Variants in GPM6A observed in about 807,000 individuals in gnomAD.
GPM6A encodes glycoprotein M6A.
Under a neutral mutation model 32.1 loss-of-function variants are expected in GPM6A, and 7 were observed. The ratio of observed to expected loss-of-function variants is 0.22; its 90% CI spans 0.12 to 0.41. The LOEUF (loss-of-function observed/expected upper bound fraction) is 0.41, where lower values mean the gene tolerates loss of function less well. GPM6A is among the 10% of genes least tolerant of loss of function. The probability of loss-of-function intolerance (pLI) is 1.00; values close to 1 mark genes in which losing one functional copy is unlikely to be tolerated. For missense variants in GPM6A, 235 were observed against 347.2 expected, an observed-to-expected ratio of 0.68 and a Z score of 2.57; for synonymous variants, 130 against 123.4, an observed-to-expected ratio of 1.05 and a Z score of -0.35.
intron 1 of GPM6A, among the ~76,000 whole-genome samples, chr4:175,992,027 A>G (rs902258045): frequency 2.0e-5 from 3 of 149,940 alleles, no homozygotes; most frequent in Non-Finnish European, 4.4e-5. Flanking sequence ...TCAAAATGAA[A>G]AAAACAAGAA....
intron 1 of GPM6A, among the ~76,000 whole-genome samples, chr4:175,998,434 G>T (rs1741377309): frequency 6.6e-6 from 1 of 152,196 alleles, no homozygotes; most frequent in South Asian, 2.1e-4. Context: ...GAGATTACAG[G>T]CGTGAGCCAC....
intron 1 of GPM6A, among the ~76,000 whole-genome samples, chr4:175,895,122 C>T (rs556626643): frequency 6.6e-6 from 1 of 152,062 alleles, no homozygotes; most frequent in Non-Finnish European, 1.5e-5. Flanking sequence ...AAAGGCAAAA[C>T]AAAATCTTCT....
rs144534169 is a variant in GPM6A, at chr4:175,650,356, A to G, written c.541+1478T>C. ...GTCTCACTCTGTTGCCCAGTCTGGAATGCAGTGGCACCATCTCAGCTCACT... is the reference window on the plus strand; with the variant it reads ...GTCTCACTCTGTTGCCCAGTCTGGAGTGCAGTGGCACCATCTCAGCTCACT... On this transcript the variant is annotated intron_variant, in intron 4 of 6. Transcript: ENST00000393658. Among the ~76,000 whole-genome samples the G allele has an allele frequency of 2.2e-3, 339 of 151,546 alleles. 7 individuals carry two copies. In the East Asian group the frequency reaches 0.054, roughly 24 times the overall value.
intron 1 of GPM6A, among the ~76,000 whole-genome samples, chr4:175,868,684 T>C (rs978009118): frequency 2.0e-5 from 3 of 152,236 alleles, no homozygotes; most frequent in African/African-American, 7.2e-5. Context: ...GAACATGTTA[T>C]GTATCATTTC....
At chr4:175,824,989 T>C (rs1340949471) in intron 1 of GPM6A, among the ~76,000 whole-genome samples, 1 of 152,226 alleles carries the variant, frequency 6.6e-6, no homozygotes, top group Non-Finnish European at 1.5e-5. Flanking sequence ...GATGTAAATA[T>C]ATCTTCAAAA....
At chr4:175,804,616 C>A (rs975033648) in intron 1 of GPM6A, among the ~76,000 whole-genome samples, 1 of 152,034 alleles carries the variant, frequency 6.6e-6, no homozygotes, top group Non-Finnish European at 1.5e-5. Flanking sequence ...TAGAACAGTG[C>A]CTGGATTATT....
At chr4:175,993,014 T>C (rs1741197673) in intron 1 of GPM6A, among the ~76,000 whole-genome samples, 1 of 152,144 alleles carries the variant, frequency 6.6e-6, no homozygotes, top group Non-Finnish European at 1.5e-5. Context: ...ATTTTCAGTG[T>C]CTGCCTTTCT....
chr4:175,705,547 G>T (rs1198630691), intron 1 of GPM6A, among the ~76,000 whole-genome samples: 1 of 152,164 alleles, frequency 6.6e-6, no homozygotes, highest in Non-Finnish European at 1.5e-5. Context: ...CATTATTTCA[G>T]TATTCTCTCC....
intron 1 of GPM6A, among the ~76,000 whole-genome samples, chr4:175,879,399 T>C (rs1343650862): frequency 6.6e-6 from 1 of 152,164 alleles, no homozygotes; most frequent in East Asian, 1.9e-4. Flanking sequence ...ATAACAGACA[T>C]GTAATTGACT....
intron 1 of GPM6A, among the ~76,000 whole-genome samples, chr4:175,752,130 G>A (rs1267314173): frequency 1.3e-5 from 2 of 152,000 alleles, no homozygotes; most frequent in East Asian, 3.9e-4. Flanking sequence ...ATTCAGTCTG[G>A]TCTACCTAGT....
chr4:175,767,542 A>C (rs962850257), intron 1 of GPM6A, among the ~76,000 whole-genome samples: 2 of 152,242 alleles, frequency 1.3e-5, no homozygotes, highest in Non-Finnish European at 2.9e-5. Flanking sequence ...TTTAGAAAAC[A>C]GATTTTTTTA....
At chr4:175,787,223 C>A in intron 1 of GPM6A, 1 of 693,470 alleles carries the variant, frequency 1.4e-6, no homozygotes, top group Non-Finnish European at 2.5e-6. Context: ...TAAAATTCAT[C>A]TTAAAGCTTT....
chr4:175,919,404 A>G (rs1738597642), intron 1 of GPM6A, among the ~76,000 whole-genome samples: 1 of 152,192 alleles, frequency 6.6e-6, no homozygotes, highest in Admixed American at 6.5e-5. Flanking sequence ...GGGCCAGAAG[A>G]AGCTTAAAGA....
At chr4:175,965,828 G>A (rs920994440) in intron 1 of GPM6A, among the ~76,000 whole-genome samples, 6 of 151,910 alleles carry the variant, frequency 3.9e-5, no homozygotes, top group Non-Finnish European at 1.5e-5. Flanking sequence ...TGGCCAGGCT[G>A]GTCTCGAACT....
At chr4:175,917,523 G>A (rs1425773330) in intron 1 of GPM6A, among the ~76,000 whole-genome samples, 4 of 152,136 alleles carry the variant, frequency 2.6e-5, no homozygotes, top group Non-Finnish European at 5.9e-5. Flanking sequence ...AACAAAGAAG[G>A]CAGAAACAGG....
intron 1 of GPM6A, among the ~76,000 whole-genome samples, chr4:175,941,014 G>C (rs1414103728): frequency 3.3e-5 from 5 of 152,224 alleles, no homozygotes; most frequent in African/African-American, 1.2e-4. Context: ...AGGATGTTGG[G>C]AGAAATTACT....
At chr4:175,884,091 C>G (rs192897745) in intron 1 of GPM6A, among the ~76,000 whole-genome samples, 242 of 152,146 alleles carry the variant, frequency 1.6e-3, no homozygotes, top group African/African-American at 5.5e-3. Flanking sequence ...TGTAGAGCAG[C>G]GTGACTTTGC....
upstream of GPM6A, among the ~76,000 whole-genome samples, chr4:175,816,411 T>C (rs748422076): frequency 2.6e-5 from 4 of 152,216 alleles, no homozygotes; most frequent in Non-Finnish European, 4.4e-5. Flanking sequence ...CTTGTCTTTA[T>C]GGATAAACAC....
chr4:175,691,360 T>C (rs1336073445), intron 2 of GPM6A, among the ~76,000 whole-genome samples: 1 of 152,052 alleles, frequency 6.6e-6, no homozygotes, highest in Non-Finnish European at 1.5e-5. Flanking sequence ...TTCCTAAATG[T>C]AGACTTTCAG....
Sources: allele counts gnomAD v4.1 joint callset (sites outside exome capture counted in the v4.1 genomes callset), GRCh38; gene constraint gnomAD v4.1.1; transcripts MANE v1.5; gene names NCBI Gene and HGNC (gene_info 2026-07-23, HGNC 2026-07-21).